The following MAMLD1 variants were observed in gnomAD, a reference collection of about 807,000 sequenced individuals.
MAMLD1 encodes the protein mastermind like domain containing 1, also known as mastermind-like domain-containing protein 1.
In MAMLD1, 14 loss-of-function variants were observed where a neutral mutation model predicts 45.0. That is an observed-to-expected ratio of 0.31 (90% CI 0.21 to 0.49). MAMLD1 has a LOEUF of 0.49. Ranked by LOEUF, MAMLD1 falls within the 20% of genes least tolerant of loss-of-function variation. The pLI, the probability that MAMLD1 is intolerant of heterozygous loss-of-function variation, is 0.99. For missense variants in MAMLD1, 543 were observed against 603.6 expected (o/e 0.90, Z 1.05); for synonymous variants, 254 against 247.8 (o/e 1.02, Z -0.24).
intron 2 of MAMLD1, among the ~76,000 whole-genome samples, chrX:150,453,682 C>T (rs1327884856): frequency 8.9e-6 from 1 of 111,983 alleles, no homozygotes; most frequent in Non-Finnish European, 1.9e-5. Flanking sequence ...AATCCAATCC[C>T]TTTCCCATAG....
rs1557406228 is a variant in MAMLD1, at chrX:150,469,853, G to T, written c.280G>T (p.Ala94Ser). Residue 94 changes from alanine to serine, a missense_variant, in exon 4 of 8, where the codon GCA becomes TCA. By Grantham distance (99) the Ala-to-Ser change is moderately conservative (BLOSUM62 1). Coordinates refer to ENST00000370401, the MANE Select transcript of MAMLD1 (RefSeq NM_005491.5). Reference protein sequence around the residue: ...KRPCLEDVTLAMGPGAHPSTA... With the variant: ...KRPCLEDVTLSMGPGAHPSTA... ...GCCTTGCCTTGAAGATGTCACCCTT[G>T]CAATGGGCCCAGGTGCTCATCCTAG... 1 of 1,211,543 alleles carries T rather than the reference G, an allele frequency of 8.3e-7. No homozygotes were observed. Among genetic ancestry groups the T allele is most frequent in the Admixed American group, 2.2e-5 (1 of 46,066 alleles).
At chrX:150,402,486 C>T (rs113006976) in intron 1 of MAMLD1, among the ~76,000 whole-genome samples, 1 of 111,216 alleles carries the variant, frequency 9.0e-6, no homozygotes, top group Non-Finnish European at 1.9e-5. Flanking sequence ...ACTGTAAACT[C>T]GTTCAACCAT....
At chrX:150,509,687 CT>C in intron 6 of MAMLD1, 1 of 364,574 alleles carries the variant, frequency 2.7e-6, no homozygotes, top group Non-Finnish European at 4.8e-6. Context: ...ATGCCTAAAA[CT>C]TTTTTCTGTG....
chrX:150,367,015 T>C (rs970839521), intron 1 of MAMLD1, among the ~76,000 whole-genome samples: 8 of 94,329 alleles, frequency 8.5e-5, no homozygotes, highest in African/African-American at 3.3e-4. Context: ...TTAAAAATCA[T>C]CCTCTTCCGG....
intron 1 of MAMLD1, among the ~76,000 whole-genome samples, chrX:150,382,908 A>ATT (rs1255672915): frequency 2.2e-4 from 5 of 23,063 alleles, no homozygotes; most frequent in African/African-American, 3.9e-4. Flanking sequence ...TTTATTTTTT[A>ATT]TTTTTTTTTT....
At chrX:150,491,875 C>A (rs1415033143) in intron 5 of MAMLD1, among the ~76,000 whole-genome samples, 2 of 112,171 alleles carry the variant, frequency 1.8e-5, no homozygotes, top group Non-Finnish European at 3.8e-5. Context: ...ACCTGGGCAT[C>A]CCAGATGGAA....
chrX:150,456,383 C>G (rs1557405339), intron 2 of MAMLD1, among the ~76,000 whole-genome samples: 1 of 111,293 alleles, frequency 9.0e-6, no homozygotes, highest in East Asian at 2.8e-4. Flanking sequence ...CTGCCTACCT[C>G]CTAGGATTCT....
In MAMLD1 at chrX:150,513,221, G is replaced by C. The variant is rs1437209602; in HGVS notation, c.*1262G>C. 4.1e-6 allele frequency: 2 copies of C among 493,679 alleles called. No homozygotes were observed. The highest frequency in any genetic ancestry group is 6.4e-6 in the Non-Finnish European group (2 of 312,092). 40.7% of individuals were successfully genotyped at this position (493,679 alleles called of 1,213,427 possible). ...CTCTCTACCTGTGACAAAATGGAAA[G>C]CTGGTGATTTTTCAAGCTACGTGTA... On this transcript the variant is annotated 3_prime_UTR_variant, in exon 8 of 8. Transcript: ENST00000370401.
intron 1 of MAMLD1, among the ~76,000 whole-genome samples, chrX:150,422,591 A>G (rs1602748371): frequency 2.7e-5 from 3 of 111,517 alleles, no homozygotes; most frequent in African/African-American, 9.8e-5. Flanking sequence ...GTGTGTGTGT[A>G]TTTTTAGTAG....
At chrX:150,503,242 C>G (rs1557408626) in intron 5 of MAMLD1, 32 bp from the exon 6 acceptor site, 3 of 1,180,218 alleles carry the variant, frequency 2.5e-6, no homozygotes, top group Non-Finnish European at 3.5e-6. Flanking sequence ...TGTGGCCAAG[C>G]AGCTGATGGA....
intron 1 of MAMLD1, among the ~76,000 whole-genome samples, chrX:150,428,540 A>G (rs2034798414): frequency 8.9e-6 from 1 of 112,014 alleles, no homozygotes; most frequent in Admixed American, 9.5e-5. Flanking sequence ...GTGCTCATGA[A>G]CATTGCCATG....
chrX:150,509,740 G>A, intron 6 of MAMLD1: 1 of 425,014 alleles, frequency 2.4e-6, no homozygotes, highest in South Asian at 3.5e-5. Flanking sequence ...CCCATTCTAT[G>A]CTGTTGCAGT....
At chrX:150,464,882 A>G (rs1557405810) in intron 3 of MAMLD1, among the ~76,000 whole-genome samples, 1 of 112,129 alleles carries the variant, frequency 8.9e-6, no homozygotes, top group Non-Finnish European at 1.9e-5. Context: ...TGGAGTATGG[A>G]TGTAAGGGAA....
chrX:150,368,135 A>C (rs1275682136), intron 1 of MAMLD1, among the ~76,000 whole-genome samples: 1 of 111,695 alleles, frequency 9.0e-6, no homozygotes, highest in Non-Finnish European at 1.9e-5. Flanking sequence ...GAATTGCCAC[A>C]CTGTCTTCCA....
At chrX:150,474,955 A>G (rs782370147) in intron 5 of MAMLD1, among the ~76,000 whole-genome samples, 22 of 111,730 alleles carry the variant, frequency 2.0e-4, no homozygotes, top group African/African-American at 5.2e-4. Context: ...TAAAGAAAAA[A>G]GCGAGTGTTT....
chrX:150,412,803 G>A (rs1557402875), intron 1 of MAMLD1, among the ~76,000 whole-genome samples: 1 of 110,332 alleles, frequency 9.1e-6, no homozygotes, highest in Admixed American at 9.7e-5. Context: ...GTGCAAACTC[G>A]ACCTCCTGGG....
intron 1 of MAMLD1, among the ~76,000 whole-genome samples, chrX:150,387,145 A>G (rs782226147): frequency 1.9e-4 from 21 of 111,726 alleles, no homozygotes; most frequent in African/African-American, 6.5e-4. Flanking sequence ...TAGGTAAGAC[A>G]TTAACTGATT....
At chrX:150,403,940 A>AAAAGAAAGAAAGAAGAAAGAAAG in intron 1 of MAMLD1, among the ~76,000 whole-genome samples, 1 of 58,886 alleles carries the variant, frequency 1.7e-5, no homozygotes, top group Admixed American at 2.0e-4. Flanking sequence ...AGAAAGAAAG[A>AAAAGAAAGAAAGAAGAAAGAAAG]AAAGAAAGAA....
intron 2 of MAMLD1, among the ~76,000 whole-genome samples, chrX:150,449,376 G>C (rs978690423): frequency 1.8e-5 from 2 of 111,232 alleles, no homozygotes; most frequent in African/African-American, 3.3e-5. Context: ...AGCCCTCAGT[G>C]TAACAGCGTA....
Sources: allele counts gnomAD v4.1 joint callset (sites outside exome capture counted in the v4.1 genomes callset), GRCh38; gene constraint gnomAD v4.1.1; transcripts MANE v1.5; gene names NCBI Gene and HGNC (gene_info 2026-07-23, HGNC 2026-07-21).